Variants in PCDHGA9 observed in about 807,000 individuals in gnomAD.
PCDHGA9 encodes protocadherin gamma-A9.
PCDHGA9 carries 37 observed loss-of-function variants against 62.5 expected under a neutral mutation model. That is an observed-to-expected ratio of 0.59 (90% CI 0.46 to 0.78). The LOEUF is 0.78. Ranked by LOEUF, PCDHGA9 falls within the 30% of genes least tolerant of loss-of-function variation. PCDHGA9 has a pLI of 0.00. For missense variants in PCDHGA9, 1,138 were observed against 1,166.2 expected, an observed-to-expected ratio of 0.98 and a Z score of 0.35; for synonymous variants, 459 against 484.6, an observed-to-expected ratio of 0.95 and a Z score of 0.69.
chr5:141,423,940 G>A (rs937456850), intron 1 of PCDHGA9: 1 of 1,217,098 alleles, frequency 8.2e-7, no homozygotes, highest in Non-Finnish European at 1.0e-6. Flanking sequence ...TTTGAAGTAA[G>A]TTGAATTTTA....
At chr5:141,454,824 T>C (rs1231148585) in intron 1 of PCDHGA9, among the ~76,000 whole-genome samples, 1 of 127,218 alleles carries the variant, frequency 7.9e-6, no homozygotes, top group African/African-American at 3.3e-5. Flanking sequence ...TTTTTTTTTT[T>C]TGAGACAGAG....
chr5:141,485,245 G>C lies in PCDHGA9; in HGVS notation c.2425-9562G>C. 1 of 1,614,188 alleles carries C rather than the reference G, an allele frequency of 6.2e-7. No individual in the cohort carries two copies. Among genetic ancestry groups the C allele is most frequent in the Non-Finnish European group, 8.5e-7 (1 of 1,180,008 alleles). On this transcript the variant is annotated intron_variant, in intron 1 of 3. Coordinates refer to ENST00000573521, the MANE Select transcript of PCDHGA9 (RefSeq NM_018921.3). This position sits in a 1 kb window ranked among gnomAD's most constrained non-coding sequence, Gnocchi z 5.7. The stretch of plus-strand genomic sequence containing the variant: ...CCCTTTTGTTCCTCTTTTACCACCT[G>C]GGTTACGTTTGTGGGCAGATCCGCT...
chr5:141,501,891 T>G (rs2099811650), intron 2 of PCDHGA9, among the ~76,000 whole-genome samples: 1 of 152,128 alleles, frequency 6.6e-6, no homozygotes, highest in Admixed American at 6.5e-5. Context: ...CTGATCATCA[T>G]GGTTCCAACC....
At position 141,404,037 on chromosome 5, in the gene PCDHGA9, A is replaced by T; in HGVS notation, c.1085A>T (p.Gln362Leu). Reference sequence around the variant, plus strand: ...AGCCCAGTGAGAGAAGACGCACCTCAGGGAACAGTAATTCTTCTTTTCAAT... The same window carrying T: ...AGCCCAGTGAGAGAAGACGCACCTCTGGGAACAGTAATTCTTCTTTTCAAT... The part of the protein sequence containing the change: ...LFSPVREDAP[Q>L]GTVILLFNAH... Residue 362 changes from glutamine to leucine, a missense_variant, in exon 1 of 4, where the codon CAG becomes CTG. Physicochemically the swap from Gln to Leu is moderately radical, Grantham distance 113 (BLOSUM62 -2). Transcript: ENST00000573521. 1 of 1,613,888 alleles carries T rather than the reference A, an allele frequency of 6.2e-7. No homozygotes were observed. The highest frequency in any genetic ancestry group is 2.2e-5 in the East Asian group (1 of 44,864).
chr5:141,419,414 GCCTTCGACCACGAGCAGCTGCGCA>G, intron 1 of PCDHGA9: 1 of 1,613,428 alleles, frequency 6.2e-7, no homozygotes, highest in South Asian at 1.1e-5. Context: ...CGCGCAGCGC[GCCTTCGACCACGAGCAGCTGCGCA>G]CCTTCGAGCT....
chr5:141,433,038 C>A, intron 1 of PCDHGA9: 3 of 1,614,180 alleles, frequency 1.9e-6, no homozygotes, highest in Non-Finnish European at 2.5e-6. Flanking sequence ...GTTTCCCTCA[C>A]CACGGACTCG....
intron 1 of PCDHGA9, among the ~76,000 whole-genome samples, chr5:141,484,685 T>G (rs2099599013): frequency 6.6e-6 from 1 of 151,934 alleles, no homozygotes; most frequent in Non-Finnish European, 1.5e-5. Flanking sequence ...TTGCTAGGGC[T>G]CAGGCTGTGG....
Position 141,415,142 on chromosome 5 carries a change from C to A in PCDHGA9, c.2424+9766C>A, listed in dbSNP as rs757516335. On this transcript the variant is annotated intron_variant, in intron 1 of 3. Coordinates refer to ENST00000573521, the MANE Select transcript of PCDHGA9 (RefSeq NM_018921.3). The stretch of plus-strand genomic sequence containing the variant: ...GTGGCCGTCCAGGACCACGGCCAGC[C>A]CCCTCTCTCCGCCACTGTCACGCTC... 10 of 1,613,732 alleles carry A rather than the reference C, an allele frequency of 6.2e-6. 1 individual carries two copies. In the South Asian group the frequency reaches 1.1e-4, roughly 18 times the overall value.
chr5:141,415,980 T>C, intron 1 of PCDHGA9: 1 of 348,656 alleles, frequency 2.9e-6, no homozygotes, highest in Non-Finnish European at 4.8e-6. Context: ...TAAGCAACCC[T>C]CTTGTTCTGA....
At chr5:141,448,086 TA>T (rs558292628) in intron 1 of PCDHGA9, among the ~76,000 whole-genome samples, 67 of 146,274 alleles carry the variant, frequency 4.6e-4, no homozygotes, top group African/African-American at 8.0e-4. Context: ...AATGCCATCT[TA>T]AAAAAAAAAA....
chr5:141,419,389 G>C (rs551951411), intron 1 of PCDHGA9: 1 of 1,613,670 alleles, frequency 6.2e-7, no homozygotes, highest in South Asian at 1.1e-5. Context: ...TGAGCGCGCA[G>C]AGCGGGGTGG....
At position 141,477,112 on chromosome 5, in the gene PCDHGA9, A is replaced by C. The variant is rs745449028; in HGVS notation, c.2425-17695A>C. The C allele has an allele frequency of 2.5e-6, 4 of 1,614,262 alleles. No homozygotes were observed. The South Asian group carries it at 4.4e-5, about 18-fold the overall frequency. Reference sequence around the variant, plus strand: ...CCAAAGACAAGGGCGCCAATCCCGAAGGAGCACATTGCAAAGTGTTGGTGG... The same window carrying C: ...CCAAAGACAAGGGCGCCAATCCCGACGGAGCACATTGCAAAGTGTTGGTGG... On this transcript the variant is annotated intron_variant, in intron 1 of 3. Transcript: ENST00000573521. This position sits in a 1 kb window ranked among gnomAD's most constrained non-coding sequence, Gnocchi z 4.9.
At chr5:141,427,495 C>A in intron 1 of PCDHGA9, 2 of 562,648 alleles carry the variant, frequency 3.6e-6, no homozygotes, top group South Asian at 1.5e-5. Flanking sequence ...AAGCTTGTAA[C>A]AGATGGGACC....
At chr5:141,450,292 C>T (rs1310226132) in intron 1 of PCDHGA9, among the ~76,000 whole-genome samples, 2 of 152,066 alleles carry the variant, frequency 1.3e-5, no homozygotes, top group African/African-American at 2.4e-5. Context: ...GGATTACAGG[C>T]GTGAGCCACC....
intron 1 of PCDHGA9, chr5:141,423,752 G>GC: frequency 1.6e-6 from 1 of 644,956 alleles, no homozygotes; most frequent in East Asian, 1.1e-4. Context: ...AAACTGTTTG[G>GC]GGGGGGGGTG....
At chr5:141,484,873 G>A (rs754469397) in intron 1 of PCDHGA9, 50 of 322,006 alleles carry the variant, frequency 1.6e-4, no homozygotes, top group Non-Finnish European at 2.5e-4. Flanking sequence ...GAGCGTGGAG[G>A]ATAGGGTGGG....
rs990493129 is a variant in PCDHGA9 at position 141,449,560 on chromosome 5, G to C, written c.2424+44184G>C. On this transcript the variant is annotated intron_variant, in intron 1 of 3. Coordinates refer to ENST00000573521, the MANE Select transcript of PCDHGA9 (RefSeq NM_018921.3). ...GCCGAGATCGCACCACTGCACTCCA[G>C]CCTGGGCGACAGAGCAAGACTCTGT... Among the ~76,000 whole-genome samples, 4 of 145,056 alleles carry C rather than the reference G, an allele frequency of 2.8e-5. No homozygotes were observed. The Admixed American group carries it at 2.8e-4, about 10-fold the overall frequency.
intron 1 of PCDHGA9, among the ~76,000 whole-genome samples, chr5:141,426,008 T>G (rs2096909040): frequency 6.6e-6 from 1 of 152,224 alleles, no homozygotes; most frequent in South Asian, 2.1e-4. Context: ...GGCTTCCGGC[T>G]GCAGTTTTCT....
intron 1 of PCDHGA9, among the ~76,000 whole-genome samples, chr5:141,479,041 C>T (rs1346986831): frequency 1.2e-4 from 18 of 152,100 alleles, no homozygotes; most frequent in Admixed American, 1.2e-3. Flanking sequence ...AGATCGTGTA[C>T]CTCATTCTCA....
Sources: gnomAD v4.1 joint callset for allele counts (sites outside exome capture counted in the v4.1 genomes callset) on GRCh38, gnomAD v4.1.1 for gene constraint, Gnocchi (gnomAD v3.1) non-coding constraint, MANE v1.5 for transcripts, NCBI Gene and HGNC (gene_info 2026-07-23, HGNC 2026-07-21) for gene names.